Variants in SNRNP200 observed in about 807,000 individuals in gnomAD.
SNRNP200 encodes small nuclear ribonucleoprotein U5 subunit 200.
A neutral mutation model predicts 255.2 loss-of-function variants in SNRNP200; 66 were observed. The ratio of observed to expected loss-of-function variants is 0.26; its 90% CI spans 0.21 to 0.32. The LOEUF is 0.32. Among genes scored for constraint, SNRNP200 ranks in the 10% least tolerant of loss-of-function variants. The pLI, the probability that SNRNP200 is intolerant of heterozygous loss-of-function variation, is 1.00. For missense variants in SNRNP200, 1,585 were observed against 2,749.8 expected, an observed-to-expected ratio of 0.58 and a Z score of 9.47; for synonymous variants, 939 against 1,027.8, an observed-to-expected ratio of 0.91 and a Z score of 1.65.
At chr2:96,280,278 C>T (rs1370056751) in intron 35 of SNRNP200, among the ~76,000 whole-genome samples, 1 of 152,150 alleles carries the variant, frequency 6.6e-6, no homozygotes, top group African/African-American at 2.4e-5. Flanking sequence ...GGGTGGATCA[C>T]TTGAGCTCAG....
rs1330484049 is a variant in SNRNP200, at chr2:96,283,466, A to AG, written c.4763+68dup. The stretch of plus-strand genomic sequence containing the variant: ...ATGGGCTAACCCCACCCTCATAAAG[A>AG]GGACACCCTTGGAGTAGGCCAGCCT... On this transcript the variant is annotated intron_variant, in intron 33 of 44. Coordinates refer to ENST00000323853, the MANE Select transcript of SNRNP200 (RefSeq NM_014014.5). This position sits in a 1 kb window ranked among gnomAD's most constrained non-coding sequence, Gnocchi z 4.7. 4.3e-6 allele frequency: 7 copies of AG among 1,612,868 alleles called. No homozygotes were observed. The highest frequency in any genetic ancestry group is 4.2e-6 in the Non-Finnish European group (5 of 1,179,300).
intron 3 of SNRNP200, among the ~76,000 whole-genome samples, chr2:96,302,846 A>G (rs1293668217): frequency 6.6e-6 from 1 of 152,228 alleles, no homozygotes; most frequent in Non-Finnish European, 1.5e-5. Flanking sequence ...TACACAGGGC[A>G]GGCATGTGGG....
chr2:96,279,352 T>G (rs775290685), intron 36 of SNRNP200, 99 bp downstream of exon 36: 6 of 832,182 alleles, frequency 7.2e-6, no homozygotes, highest in Middle Eastern at 2.2e-4. Flanking sequence ...GAGGCAGAAG[T>G]TAAGAGACTA....
In SNRNP200 at chr2:96,284,368, C is replaced by G. The variant is rs1216283759; in HGVS notation, c.4382G>C (p.Gly1461Ala). The change falls in exon 31 of 45, where the codon GGC (glycine) becomes GCC (alanine). Residue 1461 changes from glycine (G) to alanine (A), a missense_variant. This residue lies in a region of SNRNP200 where 719 missense variants were observed against 1,091.1 expected (regional missense o/e 0.66). Coordinates refer to ENST00000323853, the MANE Select transcript of SNRNP200 (RefSeq NM_014014.5). ...AAGGTCACGCCATACCCCATTCTCG[C>G]CCCCGATAAGGTGGACCTCATCCAC... ...FVVDEVHLIG[G>A]ENGPVLEVIC... 6.2e-7 allele frequency: 1 copy of G among 1,613,778 alleles called. No homozygotes were observed. Among genetic ancestry groups the G allele is most frequent in the Non-Finnish European group, 8.5e-7 (1 of 1,179,832 alleles).
intron 1 of SNRNP200, among the ~76,000 whole-genome samples, chr2:96,305,128 T>C (rs147128971): frequency 6.6e-6 from 1 of 152,156 alleles, no homozygotes; most frequent in African/African-American, 2.4e-5. Context: ...CTGTGAAAAG[T>C]AGTGAGTGGG....
chr2:96,291,990 C>A lies in SNRNP200; in HGVS notation c.2161-90G>T. On this transcript the variant is annotated intron_variant, in intron 16 of 44. Transcript: ENST00000323853. The surrounding 1 kb of genome is among the most constrained non-coding windows in gnomAD (Gnocchi z 4.2). The stretch of plus-strand genomic sequence containing the variant: ...GAAGCAGAAGTTGCACCATCACCAC[C>A]AGAAGCCAAGGTCCTGGAGAGGGGC... The A allele has an allele frequency of 6.9e-7, 1 of 1,455,546 alleles. No homozygotes were observed. Among genetic ancestry groups the A allele is most frequent in the Non-Finnish European group, 9.5e-7 (1 of 1,048,666 alleles). 90.2% of individuals were successfully genotyped at this position (1,455,546 alleles called of 1,614,324 possible). A position where few individuals can be genotyped will look rare whatever the true frequency, so the allele number is the denominator to read the frequency against.
rs202243080 is a variant in SNRNP200 at position 96,276,991 on chromosome 2, G to A, written c.6093-6C>T. On this transcript the variant is annotated splice_region_variant and splice_polypyrimidine_tract_variant and intron_variant, in intron 42 of 44. Coordinates refer to ENST00000323853, the MANE Select transcript of SNRNP200 (RefSeq NM_014014.5). ...GCACCACAACTGGCCCGCCACTGCA[G>A]GGGGAGAGGAGGGGCGCACGTCAGT... The A allele has an allele frequency of 1.5e-4, 243 of 1,614,126 alleles. No individual in the cohort carries two copies. Among genetic ancestry groups the A allele is most frequent in the Non-Finnish European group, 2.0e-4 (235 of 1,180,040 alleles).
At chr2:96,283,000 T>C in intron 34 of SNRNP200, 1 of 675,778 alleles carries the variant, frequency 1.5e-6, no homozygotes, top group Non-Finnish European at 2.6e-6. Context: ...TTTTCTCACC[T>C]GGCAAGTAGG....
chr2:96,290,260 G>A lies in SNRNP200; in HGVS notation c.2742+66C>T, dbSNP rs373610613. On this transcript the variant is annotated intron_variant, in intron 20 of 44. Transcript: ENST00000323853. This position sits in a 1 kb window ranked among gnomAD's most constrained non-coding sequence, Gnocchi z 4.5. ...GCTGGCCCGCAGCACAATAGGGACC[G>A]ACCCACTCCTGGTGCCTTGGTGTCT... 417 of 1,556,152 alleles carry A rather than the reference G, an allele frequency of 2.7e-4. 4 individuals are homozygous for A. In the East Asian group the frequency reaches 4.6e-3, roughly 17 times the overall value.
In SNRNP200 at chr2:96,283,648, G is replaced by A; in HGVS notation, c.4650C>T (p.Ile1550=). The A allele has an allele frequency of 6.2e-7, 1 of 1,614,156 alleles. No homozygotes were observed. Among genetic ancestry groups the A allele is most frequent in the South Asian group, 1.1e-5 (1 of 91,088 alleles). ...CAGGCTTCTTGGGCGAGTGCTTGGT[G>A]ATAGCATGGTACACAGGCTTGGCCA... ...LSMAKPVYHA[I]TKHSPKKPVI... is the part of the protein sequence containing the mutation. The change falls in exon 33 of 45, where the codon ATC becomes ATT. Residue 1550 remains isoleucine (I), a synonymous_variant. Transcript: ENST00000323853. This position sits in a 1 kb window ranked among gnomAD's most constrained non-coding sequence, Gnocchi z 4.7.
rs912083443 is a variant in SNRNP200, at chr2:96,278,794, C to T, written c.5323+15G>A. On this transcript the variant is annotated intron_variant, in intron 37 of 44. Coordinates refer to ENST00000323853, the MANE Select transcript of SNRNP200 (RefSeq NM_014014.5). The surrounding 1 kb of genome is among the most constrained non-coding windows in gnomAD (Gnocchi z 6.9). Reference sequence around the variant, plus strand: ...GAACCACCAAAGGATCACGTGTGCTCCCAAGCCCACTGACCCTGCAGGTTG... The same window carrying T: ...GAACCACCAAAGGATCACGTGTGCTTCCAAGCCCACTGACCCTGCAGGTTG... 1.2e-6 allele frequency: 2 copies of T among 1,614,158 alleles called. No homozygotes were observed. The highest frequency in any genetic ancestry group is 1.7e-6 in the Non-Finnish European group (2 of 1,180,014).
chr2:96,279,358 G>C, intron 36 of SNRNP200, 93 bp downstream of exon 36: 1 of 850,056 alleles, frequency 1.2e-6, no homozygotes. Flanking sequence ...GAAGTTAAGA[G>C]ACTAAAGTTA....
chr2:96,282,001 T>C, intron 34 of SNRNP200, 79 bp from the exon 35 acceptor site: 1 of 1,056,602 alleles, frequency 9.5e-7, no homozygotes, highest in Non-Finnish European at 1.5e-6. Context: ...GGGCAGGCCG[T>C]GGCTTACCCT....
chr2:96,284,969 C>G (rs954969291), intron 30 of SNRNP200: 2 of 651,424 alleles, frequency 3.1e-6, no homozygotes, highest in Non-Finnish European at 5.6e-6. Flanking sequence ...AGGCTGGTCT[C>G]GAACTCCTGA....
chr2:96,278,192 A>C lies in SNRNP200; in HGVS notation c.5610+45T>G. 1 of 1,613,810 alleles carries C rather than the reference A, an allele frequency of 6.2e-7. No homozygotes were observed. The highest frequency in any genetic ancestry group is 8.5e-7 in the Non-Finnish European group (1 of 1,179,952). On this transcript the variant is annotated intron_variant, in intron 39 of 44. Transcript: ENST00000323853. This position sits in a 1 kb window ranked among gnomAD's most constrained non-coding sequence, Gnocchi z 6.9. ...CCATGTGCTCTGGGCACACAGGCCGAGTTTGTTGTTCCCAGGATGCTCTCC... is the reference window on the plus strand; with the variant it reads ...CCATGTGCTCTGGGCACACAGGCCGCGTTTGTTGTTCCCAGGATGCTCTCC...
Position 96,278,115 on chromosome 2 carries a change from G to A in SNRNP200, c.5610+122C>T. ...GTTTGAGGGAGGTATGGAGCGGGAG[G>A]ACATATGGCGGGGGTCGGGGGATGC... On this transcript the variant is annotated intron_variant, in intron 39 of 44. Transcript: ENST00000323853. This position sits in a 1 kb window ranked among gnomAD's most constrained non-coding sequence, Gnocchi z 6.9. The A allele has an allele frequency of 6.5e-7, 1 of 1,537,582 alleles. No homozygotes were observed. The highest frequency in any genetic ancestry group is 1.4e-5 in the African/African-American group (1 of 73,404).
intron 43 of SNRNP200, 103 bp downstream of exon 43, chr2:96,276,801 G>A: frequency 9.6e-7 from 1 of 1,039,494 alleles, no homozygotes; most frequent in Non-Finnish European, 1.5e-6. Context: ...CTGATTATCA[G>A]TCTAAAGTTT....
Position 96,299,335 on chromosome 2 carries a change from C to T in SNRNP200, c.723G>A (p.Ser241=), listed in dbSNP as rs2276647. ...AAGAGCAAACTGAACTTACATTAGCCGAGAGGGTGCAGCGCACGACAGCCT... is the reference window on the plus strand; with the variant it reads ...AAGAGCAAACTGAACTTACATTAGCTGAGAGGGTGCAGCGCACGACAGCCT... ...GDEAVVRCTL[S]ANLVASGELM... Residue 241 remains serine, a synonymous_variant, in exon 6 of 45, where the codon TCG becomes TCA. Transcript: ENST00000323853. The T allele has an allele frequency of 1.0e-3, 1,632 of 1,613,886 alleles. 33 individuals are homozygous for T. In the East Asian group the frequency reaches 0.032, roughly 32 times the overall value.
intron 3 of SNRNP200, 107 bp from the exon 4 acceptor site, chr2:96,301,823 C>T: frequency 7.5e-6 from 8 of 1,066,958 alleles, no homozygotes; most frequent in South Asian, 3.8e-5. Context: ...TCTTCAAAAC[C>T]TGCCACATAC....
Sources: allele counts gnomAD v4.1 joint callset (sites outside exome capture counted in the v4.1 genomes callset), GRCh38; gene constraint gnomAD v4.1.1; regional missense constraint gnomAD v4.1.1; non-coding constraint Gnocchi (gnomAD v3.1); transcripts MANE v1.5; gene names NCBI Gene and HGNC (gene_info 2026-07-23, HGNC 2026-07-21).